Variants in THAP2 observed in about 807,000 individuals in gnomAD.
THAP2 encodes THAP domain-containing protein 2.
Under a neutral mutation model 18.8 loss-of-function variants are expected in THAP2, and 16 were observed. The ratio of observed to expected loss-of-function variants is 0.85; its 90% CI spans 0.58 to 1.29. The LOEUF is 1.29. Ranked by LOEUF, THAP2 falls within the 50% of genes most tolerant of loss-of-function variation. The pLI is 0.00. For synonymous variants in THAP2, 80 were observed against 89.2 expected (o/e 0.90, Z 0.58); for missense variants, 251 against 265.3 (o/e 0.95, Z 0.38).
intron 1 of THAP2, among the ~76,000 whole-genome samples, chr12:71,670,147 G>C (rs1881411155): frequency 6.6e-6 from 1 of 152,066 alleles, no homozygotes; most frequent in South Asian, 2.1e-4. Context: ...ATTGCTGGTA[G>C]TGTTAGCCAA....
chr12:71,668,788 G>A (rs1245750632), intron 1 of THAP2, among the ~76,000 whole-genome samples: 1 of 152,144 alleles, frequency 6.6e-6, no homozygotes, highest in Non-Finnish European at 1.5e-5. Context: ...ATATTTATAA[G>A]AGCCTGGTTC....
intron 1 of THAP2, among the ~76,000 whole-genome samples, chr12:71,671,704 G>A (rs1424590172): frequency 6.6e-6 from 1 of 152,126 alleles, no homozygotes; most frequent in Non-Finnish European, 1.5e-5. Context: ...ATCTTTGTTG[G>A]GGTTTTCTTC....
At chr12:71,674,176 T>C in intron 1 of THAP2, 27 bp from the exon 2 acceptor site, 2 of 1,532,594 alleles carry the variant, frequency 1.3e-6, no homozygotes, top group Non-Finnish European at 1.7e-6. Flanking sequence ...ATAGTTGGAA[T>C]TTGAGTTGCA....
chr12:71,670,336 C>T (rs1277383955), intron 1 of THAP2, among the ~76,000 whole-genome samples: 1 of 152,126 alleles, frequency 6.6e-6, no homozygotes, highest in East Asian at 1.9e-4. Context: ...TACTACATGT[C>T]AATGTTGATT....
In THAP2 at chr12:71,674,787, G is replaced by C. The variant is rs866636232; in HGVS notation, c.267+389G>C. On this transcript the variant is annotated intron_variant, in intron 2 of 2. Transcript: ENST00000308086. ...AATTAAACCAAAGAATGTAAGTTCA[G>C]AGGGAGGCAGGCATGACAGAAATCT... 2.6e-5 allele frequency among the ~76,000 whole-genome samples: 4 copies of C among 152,226 alleles called. No homozygotes were observed. In the Middle Eastern group the frequency reaches 0.01, roughly 388 times the overall value.
chr12:71,664,383 C>T lies in THAP2; in HGVS notation c.-127C>T. The T allele has an allele frequency of 1.8e-6, 2 of 1,138,456 alleles. No homozygotes were observed. Among genetic ancestry groups the T allele is most frequent in the Middle Eastern group, 2.8e-4 (1 of 3,568 alleles). The allele number at this position is 1,138,456 out of a possible 1,614,324, so 70.5% of individuals were successfully genotyped here. A position where few individuals can be genotyped will look rare whatever the true frequency, so the allele number is the denominator to read the frequency against. On this transcript the variant is annotated 5_prime_UTR_variant, in exon 1 of 3. Coordinates refer to ENST00000308086, the MANE Select transcript of THAP2 (RefSeq NM_031435.4). ...ACATACACACCCCTTCTTCCCACTCCGCTCTCACGACTAAGCTCTCACGAT... is the reference window on the plus strand; with the variant it reads ...ACATACACACCCCTTCTTCCCACTCTGCTCTCACGACTAAGCTCTCACGAT...
intron 1 of THAP2, among the ~76,000 whole-genome samples, chr12:71,672,409 C>T (rs1592612202): frequency 6.6e-6 from 1 of 152,208 alleles, no homozygotes; most frequent in East Asian, 1.9e-4. Context: ...TATCATATAA[C>T]AACCTCACCT....
At chr12:71,666,574 A>T (rs2137575799) in intron 1 of THAP2, among the ~76,000 whole-genome samples, 1 of 152,288 alleles carries the variant, frequency 6.6e-6, no homozygotes, top group Middle Eastern at 3.4e-3. Flanking sequence ...AACATGCATA[A>T]AATTTGCCTA....
At position 71,674,452 on chromosome 12, in the gene THAP2, T is replaced by G. The variant is rs993310170; in HGVS notation, c.267+54T>G. ...AACCATTTTTAGAACTCATTCCTTT[T>G]TGTTTATGCAGTTATTAACTGAAAT... On this transcript the variant is annotated intron_variant, in intron 2 of 2. Transcript: ENST00000308086. 4 of 1,498,228 alleles carry G rather than the reference T, an allele frequency of 2.7e-6. No homozygotes were observed. The African/African-American group carries it at 5.6e-5, about 21-fold the overall frequency. The allele number at this position is 1,498,228 out of a possible 1,614,324, so 92.8% of individuals were successfully genotyped here.
Position 71,676,833 on chromosome 12 carries a change from A to G in THAP2, c.412A>G (p.Ile138Val), listed in dbSNP as rs1382663333. Residue 138 changes from isoleucine (I) to valine (V), a missense_variant, in exon 3 of 3, where the codon ATC becomes GTC. Physicochemically the swap from Ile to Val is conservative, Grantham distance 29. Coordinates refer to ENST00000308086, the MANE Select transcript of THAP2 (RefSeq NM_031435.4). ...GAATCCTATGGAGGCAAAAAAGAGG[A>G]TCATTAAACTGGAAAAAGAAATAGC... The part of the protein sequence containing the change: ...FRNPMEAKKR[I>V]IKLEKEIASL... The G allele has an allele frequency of 3.7e-6, 6 of 1,613,582 alleles. No homozygotes were observed.
At chr12:71,664,662 C>A in intron 1 of THAP2, 82 bp downstream of exon 1, 1 of 1,498,038 alleles carries the variant, frequency 6.7e-7, no homozygotes, top group Non-Finnish European at 9.3e-7. Context: ...CAGGAGGATT[C>A]TGCTAATTCT....
intron 1 of THAP2, among the ~76,000 whole-genome samples, chr12:71,669,969 A>AC (rs983006222): frequency 2.6e-5 from 4 of 151,804 alleles, no homozygotes; most frequent in East Asian, 1.9e-4. Context: ...AAAAAAAAAA[A>AC]AAAACTCTAT....
At chr12:71,664,674 A>G (rs1283154165) in intron 1 of THAP2, 94 bp downstream of exon 1, 13 of 1,439,082 alleles carry the variant, frequency 9.0e-6, no homozygotes, top group East Asian at 2.3e-5. Flanking sequence ...GCTAATTCTA[A>G]TAACTTTCCC....
Position 71,680,163 on chromosome 12 carries a change from A to C in THAP2, c.*3055A>C, listed in dbSNP as rs1319573828. The C allele has an allele frequency of 6.6e-6, 1 of 152,196 alleles. No homozygotes were observed. The highest frequency in any genetic ancestry group is 6.5e-5 in the Admixed American group (1 of 15,278). The allele number at this position is 152,196 out of a possible 1,614,324, so 9.4% of individuals were successfully genotyped here. On this transcript the variant is annotated 3_prime_UTR_variant, in exon 3 of 3. Coordinates refer to ENST00000308086, the MANE Select transcript of THAP2 (RefSeq NM_031435.4). ...TATTATCTCTGATTTACACATGAAG[A>C]CATCCTTGTTAATGCAATTTATTTA...
chr12:71,671,999 T>G (rs927368523), intron 1 of THAP2, among the ~76,000 whole-genome samples: 26 of 152,200 alleles, frequency 1.7e-4, no homozygotes, highest in African/African-American at 5.3e-4. Context: ...ACAAAAAGAC[T>G]GGCAGCTGGT....
chr12:71,677,286 A>G lies in THAP2; in HGVS notation c.*178A>G, dbSNP rs1015066102. On this transcript the variant is annotated 3_prime_UTR_variant, in exon 3 of 3. Transcript: ENST00000308086. ...CTTCATATGGAAATTTTATTTGAAA[A>G]TGAGTGGAAGTGCCTTACATTAGAA... 3 of 567,538 alleles carry G rather than the reference A, an allele frequency of 5.3e-6. No homozygotes were observed. The highest frequency in any genetic ancestry group is 7.9e-5 in the Admixed American group (2 of 25,278). The allele number at this position is 567,538 out of a possible 1,614,324, so 35.2% of individuals were successfully genotyped here. A position where few individuals can be genotyped will look rare whatever the true frequency, so the allele number is the denominator to read the frequency against.
At chr12:71,667,024 G>A (rs531991241) in intron 1 of THAP2, among the ~76,000 whole-genome samples, 1 of 152,128 alleles carries the variant, frequency 6.6e-6, no homozygotes, top group Non-Finnish European at 1.5e-5. Flanking sequence ...AAGCCACCAC[G>A]CCTGGCCATT....
intron 1 of THAP2, 97 bp downstream of exon 1, chr12:71,664,677 A>G: frequency 7.1e-7 from 1 of 1,413,940 alleles, no homozygotes. Flanking sequence ...AATTCTAATA[A>G]CTTTCCCAGC....
intron 1 of THAP2, among the ~76,000 whole-genome samples, chr12:71,672,400 A>G (rs1370649181): frequency 6.6e-6 from 1 of 152,100 alleles, no homozygotes; most frequent in Non-Finnish European, 1.5e-5. Context: ...CTTTTGTTTT[A>G]TCATATAACA....
Sources: gnomAD v4.1 joint callset for allele counts (sites outside exome capture counted in the v4.1 genomes callset) on GRCh38, gnomAD v4.1.1 for gene constraint, MANE v1.5 for transcripts, NCBI Gene and HGNC (gene_info 2026-07-23, HGNC 2026-07-21) for gene names.